NKIRAS1: variants seen among roughly 807,000 people sequenced by gnomAD.
NKIRAS1 encodes NFKB inhibitor interacting Ras like 1.
Under a neutral mutation model 19.8 loss-of-function variants are expected in NKIRAS1, and 16 were observed. The ratio of observed to expected loss-of-function variants is 0.81; its 90% CI spans 0.55 to 1.23. The LOEUF is 1.23. Ranked by LOEUF, NKIRAS1 falls within the 50% of genes most tolerant of loss-of-function variation. The pLI, the probability that NKIRAS1 is intolerant of heterozygous loss-of-function variation, is 0.00. For synonymous variants in NKIRAS1, 88 were observed against 79.0 expected, an observed-to-expected ratio of 1.11 and a Z score of -0.61; for missense variants, 184 against 220.0, an observed-to-expected ratio of 0.84 and a Z score of 1.04.
intron 1 of NKIRAS1, chr3:23,946,098 G>C: frequency 5.1e-6 from 5 of 984,830 alleles, no homozygotes; most frequent in Non-Finnish European, 6.0e-6. Flanking sequence ...TGGAAGCCTC[G>C]GGGCAGTGAC....
chr3:23,890,684 G>T lies in NKIRAS1; in HGVS notation c.*2411C>A. On this transcript the variant is annotated 3_prime_UTR_variant, in exon 5 of 5. Coordinates refer to ENST00000425478, the MANE Select transcript of NKIRAS1 (RefSeq NM_020345.4). ...TATGATTTTGAAGGGGTCAGGGAGG[G>T]TGGGAGTTGGTAAAGAGTAGGGTAT... The T allele has an allele frequency of 1.4e-5, 16 of 1,153,016 alleles. No individual in the cohort carries two copies. The highest frequency in any genetic ancestry group is 2.5e-5 in the East Asian group (1 of 39,866). The allele number at this position is 1,153,016 out of a possible 1,614,324, so 71.4% of individuals were successfully genotyped here. A position where few individuals can be genotyped will look rare whatever the true frequency, so the allele number is the denominator to read the frequency against.
At chr3:23,941,349 A>G (rs954869388) in intron 1 of NKIRAS1, among the ~76,000 whole-genome samples, 1 of 152,156 alleles carries the variant, frequency 6.6e-6, no homozygotes, top group African/African-American at 2.4e-5. Flanking sequence ...CTTTATTCAT[A>G]TCTAGATGGA....
chr3:23,923,577 T>A (rs1372923495), intron 1 of NKIRAS1: 1 of 152,222 alleles, frequency 6.6e-6, no homozygotes, highest in Admixed American at 6.5e-5. Context: ...GTACCATGAT[T>A]CATTGGATGT....
chr3:23,901,134 C>A, intron 3 of NKIRAS1, 85 bp from the exon 4 acceptor site: 5 of 1,386,958 alleles, frequency 3.6e-6, no homozygotes, highest in Non-Finnish European at 4.9e-6. Flanking sequence ...AATTGGCTTT[C>A]TAGGTTTCTT....
At chr3:23,906,402 CAAAAA>C (rs954190150) in intron 3 of NKIRAS1, among the ~76,000 whole-genome samples, 5 of 151,620 alleles carry the variant, frequency 3.3e-5, no homozygotes, top group African/African-American at 9.7e-5. Flanking sequence ...GAAAACAAAA[CAAAAA>C]AAAGAATCAC....
At chr3:23,908,935 C>G (rs1290126090) in intron 3 of NKIRAS1, among the ~76,000 whole-genome samples, 1 of 151,022 alleles carries the variant, frequency 6.6e-6, no homozygotes, top group Admixed American at 6.6e-5. Context: ...CCCAGCTGAT[C>G]TTCCCACCTT....
chr3:23,935,441 G>A (rs1469276244), intron 1 of NKIRAS1, among the ~76,000 whole-genome samples: 1 of 151,770 alleles, frequency 6.6e-6, no homozygotes, highest in Admixed American at 6.6e-5. Flanking sequence ...GTTGAGATGG[G>A]GTCTTGTTCT....
intron 1 of NKIRAS1, among the ~76,000 whole-genome samples, chr3:23,942,481 G>C (rs1705519748): frequency 6.6e-6 from 1 of 152,128 alleles, no homozygotes; most frequent in African/African-American, 2.4e-5. Flanking sequence ...GCCCAGGCTG[G>C]AGTGCAACGG....
chr3:23,918,303 T>A (rs1704804840), upstream of NKIRAS1: 1 of 1,045,208 alleles, frequency 9.6e-7, no homozygotes, highest in Non-Finnish European at 1.4e-6. Flanking sequence ...AAGACTGGGA[T>A]GTGTTTTATT....
chr3:23,941,914 T>C (rs1705504943), intron 1 of NKIRAS1, among the ~76,000 whole-genome samples: 1 of 152,214 alleles, frequency 6.6e-6, no homozygotes, highest in Non-Finnish European at 1.5e-5. Flanking sequence ...ACATTCTTCT[T>C]TTCAAATTTA....
intron 2 of NKIRAS1, 146 bp from the exon 3 acceptor site, chr3:23,911,067 T>G: frequency 1.6e-6 from 1 of 631,484 alleles, no homozygotes; most frequent in South Asian, 2.0e-5. Context: ...AGGTATAGCC[T>G]TCCAAACCCC....
At chr3:23,893,487 T>C in intron 4 of NKIRAS1, 150 bp from the exon 5 acceptor site, 1 of 718,572 alleles carries the variant, frequency 1.4e-6, no homozygotes, top group East Asian at 2.6e-5. Context: ...GATTTCACCT[T>C]ACTCCTTAAT....
At chr3:23,913,580 A>G (rs1425226707) in intron 1 of NKIRAS1, among the ~76,000 whole-genome samples, 1 of 152,238 alleles carries the variant, frequency 6.6e-6, no homozygotes, top group Non-Finnish European at 1.5e-5. Context: ...ATTTTCTATA[A>G]ATGATCGCTA....
upstream of NKIRAS1, chr3:23,921,857 G>A (rs1334197730): frequency 3.6e-5 from 18 of 503,388 alleles, no homozygotes; most frequent in East Asian, 2.4e-4. Context: ...TTACAGGCGT[G>A]AGCCACCACC....
chr3:23,924,092 A>G (rs550283155), intron 1 of NKIRAS1: 1 of 152,342 alleles, frequency 6.6e-6, no homozygotes, highest in African/African-American at 2.4e-5. Context: ...AGTGATCCAG[A>G]TAGCATAGCT....
chr3:23,945,597 A>C, intron 1 of NKIRAS1: 1 of 1,170,250 alleles, frequency 8.5e-7, no homozygotes, highest in Non-Finnish European at 1.1e-6. Context: ...GAATGCAGGT[A>C]AGAACCGGAC....
upstream of NKIRAS1, chr3:23,918,415 T>G (rs373101152): frequency 4.6e-5 from 74 of 1,607,718 alleles, no homozygotes; most frequent in African/African-American, 8.7e-4. Flanking sequence ...ATAAAATCAC[T>G]AATTTCGTGT....
chr3:23,904,826 G>A (rs767428736), intron 3 of NKIRAS1, among the ~76,000 whole-genome samples: 3 of 152,142 alleles, frequency 2.0e-5, no homozygotes, highest in Non-Finnish European at 4.4e-5. Context: ...ATAATAGCCA[G>A]GATACATGTA....
At chr3:23,920,401 T>C (rs1315483697), upstream of NKIRAS1, 6 of 985,444 alleles carry the variant, frequency 6.1e-6, no homozygotes, top group Middle Eastern at 5.2e-4. Flanking sequence ...ATATGTGTTT[T>C]CTGCAGTTAT....
Sources: allele counts gnomAD v4.1 joint callset (sites outside exome capture counted in the v4.1 genomes callset), GRCh38; gene constraint gnomAD v4.1.1; transcripts MANE v1.5; gene names NCBI Gene and HGNC (gene_info 2026-07-23, HGNC 2026-07-21).